The following COMMD10 variants were observed in gnomAD, a reference collection of about 807,000 sequenced individuals.
The protein encoded by COMMD10 is COMM domain-containing protein 10.
A neutral mutation model predicts 28.9 loss-of-function variants in COMMD10; 33 were observed. That is an observed-to-expected ratio of 1.14 (90% CI 0.87 to 1.53). The LOEUF is 1.53. Ranked by LOEUF, COMMD10 falls within the 40% of genes most tolerant of loss-of-function variation. The pLI, the probability that COMMD10 is intolerant of heterozygous loss-of-function variation, is 0.00. For synonymous variants in COMMD10, 110 were observed against 81.7 expected (o/e 1.35, Z -1.87); for missense variants, 310 against 233.4 (o/e 1.33, Z -2.14).
intron 5 of COMMD10, among the ~76,000 whole-genome samples, chr5:116,249,686 A>C (rs1458618299): frequency 6.6e-6 from 1 of 151,922 alleles, no homozygotes; most frequent in Non-Finnish European, 1.5e-5. Context: ...ACTATATTGT[A>C]GTTTATAAAA....
intron 5 of COMMD10, among the ~76,000 whole-genome samples, chr5:116,168,014 C>T (rs1264965000): frequency 2.6e-5 from 4 of 151,568 alleles, no homozygotes; most frequent in Non-Finnish European, 4.4e-5. Flanking sequence ...GGACTAAATG[C>T]CCCAATTAAA....
At chr5:116,229,661 C>T (rs986833613) in intron 5 of COMMD10, among the ~76,000 whole-genome samples, 2 of 151,908 alleles carry the variant, frequency 1.3e-5, no homozygotes, top group African/African-American at 4.8e-5. Flanking sequence ...ATATGTGAAA[C>T]AGCTAGAAAA....
At chr5:116,167,654 C>G (rs1753175696) in intron 5 of COMMD10, among the ~76,000 whole-genome samples, 1 of 152,132 alleles carries the variant, frequency 6.6e-6, no homozygotes, top group African/African-American at 2.4e-5. Flanking sequence ...CCCTACAAGC[C>G]AGAAGAGAGT....
chr5:116,133,026 T>A (rs1751910241), intron 4 of COMMD10, among the ~76,000 whole-genome samples: 1 of 152,180 alleles, frequency 6.6e-6, no homozygotes, highest in Non-Finnish European at 1.5e-5. Flanking sequence ...TTTGAGTCAC[T>A]GCTGTGATTC....
At chr5:116,182,410 G>C (rs75585136) in intron 5 of COMMD10, among the ~76,000 whole-genome samples, 17 of 151,880 alleles carry the variant, frequency 1.1e-4, no homozygotes, top group Non-Finnish European at 1.2e-4. Flanking sequence ...GAAGAGGTGT[G>C]GGGGGTGGGT....
intron 5 of COMMD10, among the ~76,000 whole-genome samples, chr5:116,228,549 G>A (rs952811625): frequency 6.6e-6 from 1 of 151,880 alleles, no homozygotes; most frequent in Admixed American, 6.6e-5. Flanking sequence ...TTTTGACAAA[G>A]AACCTTTAAT....
intron 5 of COMMD10, among the ~76,000 whole-genome samples, chr5:116,187,813 T>A (rs1748191938): frequency 6.6e-6 from 1 of 152,188 alleles, no homozygotes; most frequent in Non-Finnish European, 1.5e-5. Flanking sequence ...AATAACTTTA[T>A]GTTGTAAACA....
chr5:116,248,133 CA>C (rs35046766), intron 5 of COMMD10, among the ~76,000 whole-genome samples: 40,097 of 145,050 alleles, frequency 0.28, 6,235 homozygotes, highest in African/African-American at 0.46. Flanking sequence ...TGTGCTAAGC[CA>C]AAAAAAAAAA....
At chr5:116,126,933 A>G (rs1716163480) in intron 4 of COMMD10, among the ~76,000 whole-genome samples, 1 of 152,250 alleles carries the variant, frequency 6.6e-6, no homozygotes, top group Non-Finnish European at 1.5e-5. Context: ...ATGGGATCTA[A>G]TTAAACTAAA....
intron 5 of COMMD10, among the ~76,000 whole-genome samples, chr5:116,280,620 A>G (rs1751044511): frequency 6.6e-6 from 1 of 151,812 alleles, no homozygotes. Flanking sequence ...TTAAATGTTT[A>G]CTGAATGACT....
intron 5 of COMMD10, among the ~76,000 whole-genome samples, chr5:116,213,924 T>A (rs888576699): frequency 9.9e-5 from 15 of 152,160 alleles, no homozygotes; most frequent in African/African-American, 3.4e-4. Flanking sequence ...TCAGTCCTTT[T>A]CATGGAATAG....
At chr5:116,235,175 G>C (rs715692) in intron 5 of COMMD10, among the ~76,000 whole-genome samples, 12,655 of 152,230 alleles carry the variant, frequency 0.083, 669 homozygotes, top group Non-Finnish European at 0.13. Context: ...TGAGAAGAGA[G>C]AGTGTGGGCT....
intron 5 of COMMD10, among the ~76,000 whole-genome samples, chr5:116,274,532 CT>C (rs1349795709): frequency 1.3e-5 from 2 of 151,770 alleles, no homozygotes; most frequent in Non-Finnish European, 2.9e-5. Flanking sequence ...GCTACATTTG[CT>C]TGATTTTCTT....
At chr5:116,205,074 T>C (rs1319792597) in intron 5 of COMMD10, among the ~76,000 whole-genome samples, 1 of 152,224 alleles carries the variant, frequency 6.6e-6, no homozygotes, top group Non-Finnish European at 1.5e-5. Context: ...CTCTTTATTT[T>C]ATTGCTTTAA....
Position 116,154,762 on chromosome 5 carries a change from A to G in COMMD10, c.510+20584A>G, listed in dbSNP as rs537990639. The stretch of plus-strand genomic sequence containing the variant: ...TTTTTCTTTTTCTTTTTGCACATAC[A>G]TTTTAAAGTGAGTGATAGCCCTTCA... On this transcript the variant is annotated intron_variant, in intron 5 of 6. Transcript: ENST00000274458. Among the ~76,000 whole-genome samples the G allele has an allele frequency of 2.0e-5, 3 of 147,216 alleles. No individual in the cohort carries two copies. In the South Asian group the frequency reaches 6.5e-4, roughly 32 times the overall value.
intron 5 of COMMD10, among the ~76,000 whole-genome samples, chr5:116,157,818 G>T (rs754062788): frequency 7.9e-5 from 12 of 151,992 alleles, no homozygotes; most frequent in Non-Finnish European, 7.4e-5. Flanking sequence ...AGTTGTGATT[G>T]TTCTACATCA....
intron 4 of COMMD10, among the ~76,000 whole-genome samples, chr5:116,101,647 G>C (rs1341313534): frequency 6.6e-6 from 1 of 151,968 alleles, no homozygotes; most frequent in Non-Finnish European, 1.5e-5. Context: ...GGCTGGTCTC[G>C]AACTCCTGAC....
chr5:116,120,934 G>A (rs1047620106), intron 4 of COMMD10, among the ~76,000 whole-genome samples: 1 of 151,382 alleles, frequency 6.6e-6, no homozygotes, highest in East Asian at 1.9e-4. Context: ...ATATGTTTAT[G>A]TATATGTTTT....
chr5:116,216,905 T>C (rs1302008965), intron 5 of COMMD10, among the ~76,000 whole-genome samples: 1 of 152,180 alleles, frequency 6.6e-6, no homozygotes, highest in Non-Finnish European at 1.5e-5. Context: ...GTTAACATTT[T>C]TTAACCTGTT....
Sources: allele counts gnomAD v4.1 joint callset (sites outside exome capture counted in the v4.1 genomes callset), GRCh38; gene constraint gnomAD v4.1.1; transcripts MANE v1.5; gene names NCBI Gene and HGNC (gene_info 2026-07-23, HGNC 2026-07-21).